The following CTDP1 variants were observed in gnomAD, a reference collection of about 807,000 sequenced individuals.
CTDP1 encodes the protein RNA polymerase II subunit A C-terminal domain phosphatase.
A neutral mutation model predicts 91.8 loss-of-function variants in CTDP1; 47 were observed. That is an observed-to-expected ratio of 0.51 (90% CI 0.41 to 0.65). The LOEUF is 0.65. CTDP1 is among the 30% of genes least tolerant of loss of function. The pLI is 0.00. For synonymous variants in CTDP1, 656 were observed against 598.5 expected (o/e 1.10, Z -1.40); for missense variants, 1,272 against 1,373.7 (o/e 0.93, Z 1.17).
intron 10 of CTDP1, among the ~76,000 whole-genome samples, chr18:79,718,257 G>A (rs950650828): frequency 4.6e-5 from 7 of 152,168 alleles, no homozygotes; most frequent in Non-Finnish European, 1.0e-4. Flanking sequence ...CTTCTCAGAT[G>A]TTGTCCAGGC....
At chr18:79,743,157 C>T (rs2086812358) in intron 12 of CTDP1, among the ~76,000 whole-genome samples, 1 of 152,166 alleles carries the variant, frequency 6.6e-6, no homozygotes, top group Admixed American at 6.5e-5. Context: ...CGAGTGTGCA[C>T]CTGTTCCCTG....
chr18:79,733,971 TTA>T (rs1323042132), intron 11 of CTDP1, among the ~76,000 whole-genome samples: 3 of 152,246 alleles, frequency 2.0e-5, no homozygotes, highest in Non-Finnish European at 4.4e-5. Flanking sequence ...TTAAAAAAAA[TTA>T]TGTTAGCATG....
chr18:79,756,540 G>A (rs544405037), downstream of CTDP1: 6 of 152,328 alleles, frequency 3.9e-5, no homozygotes, highest in Admixed American at 6.5e-5. Flanking sequence ...TGTGCTATGC[G>A]AAGAAACCAC....
Position 79,715,308 on chromosome 18 carries a change from C to A in CTDP1, c.1848C>A (p.Ile616=). The part of the protein sequence containing the change: ...AKYDRYLNKE[I]EEAPDIRKIV... ...ATGACCGCTACCTCAACAAGGAGATCGAGGAGGCGCCGGACATCCGCAAGA... is the reference window on the plus strand; with the variant it reads ...ATGACCGCTACCTCAACAAGGAGATAGAGGAGGCGCCGGACATCCGCAAGA... Residue 616 remains isoleucine (I), a synonymous_variant, in exon 8 of 13, where the codon ATC becomes ATA. Coordinates refer to ENST00000613122, the MANE Select transcript of CTDP1 (RefSeq NM_004715.5). 1.2e-6 allele frequency: 2 copies of A among 1,609,264 alleles called. No individual in the cohort carries two copies. The highest frequency in any genetic ancestry group is 1.7e-6 in the Non-Finnish European group (2 of 1,177,688).
In CTDP1 at chr18:79,717,694, C is replaced by T. The variant is rs1180780623; in HGVS notation, c.2210+18C>T. On this transcript the variant is annotated intron_variant, in intron 9 of 12. Transcript: ENST00000613122. ...GCACAGAGGTGGGTCCTCGCTGCACCCAGCAGGTCCGTGCCAGGCGTTCCC... is the reference window on the plus strand; with the variant it reads ...GCACAGAGGTGGGTCCTCGCTGCACTCAGCAGGTCCGTGCCAGGCGTTCCC... 1 of 1,613,970 alleles carries T rather than the reference C, an allele frequency of 6.2e-7. No homozygotes were observed. Among genetic ancestry groups the T allele is most frequent in the Non-Finnish European group, 8.5e-7 (1 of 1,179,976 alleles).
chr18:79,714,639 G>T lies in CTDP1; in HGVS notation c.1179G>T (p.Arg393=). The T allele has an allele frequency of 6.2e-7, 1 of 1,612,376 alleles. No individual in the cohort carries two copies. Among genetic ancestry groups the T allele is most frequent in the South Asian group, 1.1e-5 (1 of 91,054 alleles). The part of the protein sequence containing the change: ...ELNGSEAATP[R]DSPRPGKPDE... ...ACGGCAGCGAGGCCGCCACCCCGCGGGACTCACCCCGCCCCGGGAAGCCAG... is the reference window on the plus strand; with the variant it reads ...ACGGCAGCGAGGCCGCCACCCCGCGTGACTCACCCCGCCCCGGGAAGCCAG... Residue 393 remains arginine (R), a synonymous_variant, in exon 8 of 13, where the codon CGG becomes CGT. Transcript: ENST00000613122.
chr18:79,704,002 T>A (rs2085912283), intron 4 of CTDP1, among the ~76,000 whole-genome samples: 1 of 152,122 alleles, frequency 6.6e-6, no homozygotes, highest in South Asian at 2.1e-4. Context: ...GTGGTTATCA[T>A]GTAGTTACCG....
chr18:79,743,025 T>C (rs868101685), intron 12 of CTDP1, among the ~76,000 whole-genome samples: 1 of 152,306 alleles, frequency 6.6e-6, no homozygotes, highest in African/African-American at 2.4e-5. Context: ...GATGTAACAT[T>C]TGCCAGTAGC....
intron 12 of CTDP1, among the ~76,000 whole-genome samples, chr18:79,748,198 T>C (rs1203987522): frequency 1.3e-5 from 2 of 152,254 alleles, no homozygotes; most frequent in African/African-American, 4.8e-5. Context: ...CTGTGTCTAA[T>C]GTTCGAGGTA....
chr18:79,727,839 C>T (rs965600240), intron 10 of CTDP1, among the ~76,000 whole-genome samples: 3 of 152,122 alleles, frequency 2.0e-5, no homozygotes, highest in African/African-American at 7.2e-5. Flanking sequence ...TAGAAACAGC[C>T]GCCTCTCAGG....
chr18:79,716,170 G>A (rs908572911), intron 8 of CTDP1, among the ~76,000 whole-genome samples: 6 of 152,150 alleles, frequency 3.9e-5, no homozygotes, highest in Admixed American at 1.3e-4. Flanking sequence ...TGGATTTTCC[G>A]CGAATGAAGA....
chr18:79,710,686 ATTTTTTTTTTTTT>A (rs11306504), intron 6 of CTDP1, among the ~76,000 whole-genome samples: 2 of 88,502 alleles, frequency 2.3e-5, no homozygotes, highest in African/African-American at 4.7e-5. Context: ...TCGCCCGGCA[ATTTTTTTTTTTTT>A]TTTTTTTTTT....
chr18:79,711,433 G>A (rs1480009885), intron 6 of CTDP1, among the ~76,000 whole-genome samples: 2 of 152,166 alleles, frequency 1.3e-5, no homozygotes, highest in African/African-American at 4.8e-5. Context: ...GGGGAACTCA[G>A]CGACTGGACT....
intron 10 of CTDP1, among the ~76,000 whole-genome samples, chr18:79,718,545 G>C (rs928225189): frequency 6.6e-6 from 1 of 152,184 alleles, no homozygotes; most frequent in East Asian, 1.9e-4. Context: ...GCCGGGATCT[G>C]TGCTGCCCTG....
In CTDP1 at chr18:79,689,322, T is replaced by G. The variant is rs192873211; in HGVS notation, c.315-5903T>G. ...CTTTTCCTGTTGTAATTCAGTATCTTGAAAGAGATACTTTGTTACCACATA... is the reference window on the plus strand; with the variant it reads ...CTTTTCCTGTTGTAATTCAGTATCTGGAAAGAGATACTTTGTTACCACATA... On this transcript the variant is annotated intron_variant, in intron 1 of 12. Transcript: ENST00000613122. 9.5e-4 allele frequency among the ~76,000 whole-genome samples: 144 copies of G among 152,298 alleles called. 1 individual carries two copies. The highest frequency in any genetic ancestry group is 3.2e-3 in the African/African-American group (135 of 41,556).
At chr18:79,701,465 G>T (rs183794030) in intron 4 of CTDP1, among the ~76,000 whole-genome samples, 36 of 151,524 alleles carry the variant, frequency 2.4e-4, no homozygotes, top group Admixed American at 2.0e-3. Flanking sequence ...AGCCACGATC[G>T]CACCACTGCA....
At position 79,717,995 on chromosome 18, in the gene CTDP1, G is replaced by T. The variant is rs543624840; in HGVS notation, c.2396G>T (p.Arg799Leu). 2 of 1,613,166 alleles carry T rather than the reference G, an allele frequency of 1.2e-6. No individual in the cohort carries two copies. The highest frequency in any genetic ancestry group is 4.5e-5 in the East Asian group (2 of 44,888). The change falls in exon 10 of 13, where the codon CGC becomes CTC. Residue 799 changes from arginine to leucine, a missense_variant. This residue lies in a region of CTDP1 where 881 missense variants were observed against 911.6 expected (regional missense o/e 0.97). Transcript: ENST00000613122. ...GCACCCTCCAGCTCCCTACCCATCC[G>T]CCAGGAGCCCTCTTCCTTCAGGTAC... ...PPAPSSSLPI[R>L]QEPSSFRAVP...
At chr18:79,730,562 T>C (rs1331418910) in intron 11 of CTDP1, among the ~76,000 whole-genome samples, 7 of 152,188 alleles carry the variant, frequency 4.6e-5, no homozygotes, top group Admixed American at 4.6e-4. Flanking sequence ...TAAAAAGTAA[T>C]CGTAACCCCC....
intron 1 of CTDP1, among the ~76,000 whole-genome samples, chr18:79,692,476 C>G (rs1164241795): frequency 6.6e-6 from 1 of 152,202 alleles, no homozygotes; most frequent in Non-Finnish European, 1.5e-5. Flanking sequence ...TCAGAAGCAA[C>G]TTGTCAATTT....
Sources: gnomAD v4.1 joint callset for allele counts (sites outside exome capture counted in the v4.1 genomes callset) on GRCh38, gnomAD v4.1.1 for gene constraint, gnomAD v4.1.1 regional missense constraint, MANE v1.5 for transcripts, NCBI Gene and HGNC (gene_info 2026-07-23, HGNC 2026-07-21) for gene names.